TRIM66: variants seen among roughly 807,000 people sequenced by gnomAD.
The protein encoded by TRIM66 is tripartite motif-containing protein 66.
A neutral mutation model predicts 148.2 loss-of-function variants in TRIM66; 99 were observed. The ratio of observed to expected loss-of-function variants is 0.67; its 90% CI spans 0.57 to 0.79. The LOEUF (loss-of-function observed/expected upper bound fraction) is 0.79, where lower values mean the gene tolerates loss of function less well. Among genes scored for constraint, TRIM66 ranks in the 30% least tolerant of loss-of-function variants. TRIM66 has a pLI of 0.00. For missense variants in TRIM66, 1,666 were observed against 1,697.9 expected (o/e 0.98, Z 0.33); for synonymous variants, 616 against 635.9 (o/e 0.97, Z 0.47).
At chr11:8,670,768 A>C (rs1018277548) in intron 6 of TRIM66, among the ~76,000 whole-genome samples, 4 of 152,234 alleles carry the variant, frequency 2.6e-5, no homozygotes, top group African/African-American at 9.6e-5. Context: ...ATCATATATT[A>C]ATGTAAAAAA....
In TRIM66 at chr11:8,623,672, C is replaced by T. The variant is rs530145745; in HGVS notation, c.3019+687G>A. ...ATCAGGAAGTCGCTTCCTGACTTCCCAACTAGCCCTCACCTTCCACAGAAG... is the reference window on the plus strand; with the variant it reads ...ATCAGGAAGTCGCTTCCTGACTTCCTAACTAGCCCTCACCTTCCACAGAAG... On this transcript the variant is annotated intron_variant, in intron 17 of 24. Coordinates refer to ENST00000646038, the MANE Select transcript of TRIM66 (RefSeq NM_001388022.1). 3.3e-5 allele frequency among the ~76,000 whole-genome samples: 5 copies of T among 152,262 alleles called. No homozygotes were observed. In the South Asian group the frequency reaches 1.0e-3, roughly 32 times the overall value.
At chr11:8,644,299 G>A in intron 12 of TRIM66, 1 of 374,190 alleles carries the variant, frequency 2.7e-6, no homozygotes, top group Non-Finnish European at 5.2e-6. Context: ...ATGAATTTCA[G>A]CAGCACCCCT....
In TRIM66 at chr11:8,624,557, A is replaced by C. The variant is rs1214106740; in HGVS notation, c.2827-6T>G. ...GTGGAATCCTCACTTTCCATCTTTC[A>C]AAAGTGAAATGTCGACAAGAATCAA... On this transcript the variant is annotated splice_polypyrimidine_tract_variant and splice_region_variant and intron_variant, in intron 16 of 24. Coordinates refer to ENST00000646038, the MANE Select transcript of TRIM66 (RefSeq NM_001388022.1). The C allele has an allele frequency of 1.3e-6, 2 of 1,521,686 alleles. No individual in the cohort carries two copies. Among genetic ancestry groups the C allele is most frequent in the Non-Finnish European group, 8.8e-7 (1 of 1,134,838 alleles). 94.3% of individuals were successfully genotyped at this position (1,521,686 alleles called of 1,614,324 possible).
In TRIM66 at chr11:8,640,319, G is replaced by T. The variant is rs2133076016; in HGVS notation, c.2056C>A (p.Gln686Lys). The change falls in exon 14 of 25, where the codon CAG becomes AAG. Residue 686 changes from glutamine to lysine, a missense_variant. Physicochemically the swap from Gln to Lys is moderately conservative, Grantham distance 53. This residue lies in a region of TRIM66 where 1,431 missense variants were observed against 1,412.4 expected (regional missense o/e 1.01). Coordinates refer to ENST00000646038, the MANE Select transcript of TRIM66 (RefSeq NM_001388022.1). ...SLQLSQTKSPQHLQQTIVGQI... is the reference protein window; with the variant it reads ...SLQLSQTKSPKHLQQTIVGQI... ...CCCACAATGGTTTGCTGAAGATGCT[G>T]AGGAGATTTGGTCTGACTCAGTTGC... is the stretch of plus-strand genomic sequence containing the variant. 6.4e-7 allele frequency: 1 copy of T among 1,551,712 alleles called. No individual in the cohort carries two copies. The highest frequency in any genetic ancestry group is 1.2e-5 in the South Asian group (1 of 84,056).
rs1399101596 is a variant in TRIM66 at position 8,612,575 on chromosome 11, G to A, written c.*5369C>T. 1 of 152,200 alleles carries A rather than the reference G, an allele frequency of 6.6e-6. No individual in the cohort carries two copies. Among genetic ancestry groups the A allele is most frequent in the Non-Finnish European group, 1.5e-5 (1 of 68,080 alleles). 9.4% of individuals were successfully genotyped at this position (152,200 alleles called of 1,614,324 possible). A position where few individuals can be genotyped will look rare whatever the true frequency, so the allele number is the denominator to read the frequency against. On this transcript the variant is annotated 3_prime_UTR_variant, in exon 25 of 25. Transcript: ENST00000646038. ...CTAGTATATACCTCCTTACCTCCAA[G>A]AAAGCAACCAATAGCTGCCTCCAAC...
At chr11:8,646,004 G>GCTGTCCTCTCAGGGGTGT in intron 11 of TRIM66, 117 bp from the exon 12 acceptor site, 1 of 1,002,716 alleles carries the variant, frequency 1.0e-6, no homozygotes, top group Non-Finnish European at 1.5e-6. Context: ...CTACACCCCT[G>GCTGTCCTCTCAGGGGTGT]AGAGGACAGC....
chr11:8,682,964 C>T (rs968849285), upstream of TRIM66: 72 of 1,142,364 alleles, frequency 6.3e-5, no homozygotes, highest in South Asian at 4.2e-4. Flanking sequence ...CGGCGCGGGC[C>T]CGGGGCGGGG....
rs993679576 is a variant in TRIM66 at position 8,614,611 on chromosome 11, G to C, written c.*3333C>G. On this transcript the variant is annotated 3_prime_UTR_variant, in exon 25 of 25. Coordinates refer to ENST00000646038, the MANE Select transcript of TRIM66 (RefSeq NM_001388022.1). ...CAGAAGGAGCAAAGGCTCAATTCTG[G>C]CGTTCAGAAAGGAAGACTATAAGTG... The C allele has an allele frequency of 6.6e-6, 1 of 152,546 alleles. No homozygotes were observed. The highest frequency in any genetic ancestry group is 2.4e-5 in the African/African-American group (1 of 41,452). The allele number at this position is 152,546 out of a possible 1,614,324, so 9.4% of individuals were successfully genotyped here.
intron 14 of TRIM66, among the ~76,000 whole-genome samples, chr11:8,639,266 T>C (rs2036162150): frequency 6.6e-6 from 1 of 152,206 alleles, no homozygotes; most frequent in South Asian, 2.1e-4. Flanking sequence ...TAAAAATCTG[T>C]AAAGCTGCTT....
chr11:8,625,972 C>T lies in TRIM66; in HGVS notation c.2311-744G>A, dbSNP rs552287166. Among the ~76,000 whole-genome samples the T allele has an allele frequency of 1.3e-3, 204 of 152,326 alleles. 1 individual carries two copies. Among genetic ancestry groups the T allele is most frequent in the African/African-American group, 4.8e-3 (201 of 41,572 alleles). ...GATATTCCAAACCAGAGGCAGAGAA[C>T]ATCAAAGCAGCTAAATCTTAATATC... is the stretch of plus-strand genomic sequence containing the variant. On this transcript the variant is annotated intron_variant, in intron 15 of 24. Coordinates refer to ENST00000646038, the MANE Select transcript of TRIM66 (RefSeq NM_001388022.1).
At chr11:8,660,570 A>C (rs1391425273) in intron 6 of TRIM66, among the ~76,000 whole-genome samples, 1 of 152,240 alleles carries the variant, frequency 6.6e-6, no homozygotes, top group Admixed American at 6.5e-5. Flanking sequence ...GGTAGAGCTA[A>C]GTAGTTGTAA....
intron 21 of TRIM66, 132 bp from the exon 22 acceptor site, chr11:8,620,256 G>A: frequency 1.5e-6 from 2 of 1,311,550 alleles, no homozygotes; most frequent in Non-Finnish European, 2.1e-6. Context: ...GCACAATTCA[G>A]GTTCCCAAGC....
chr11:8,634,949 C>T lies in TRIM66; in HGVS notation c.2310+3705G>A, dbSNP rs531873746. ...CCTGGCACTCACAGGCCAGCACAGG[C>T]TGGGAGTGGGATGGAGGACAAAACA... On this transcript the variant is annotated intron_variant, in intron 15 of 24. Coordinates refer to ENST00000646038, the MANE Select transcript of TRIM66 (RefSeq NM_001388022.1). Among the ~76,000 whole-genome samples the T allele has an allele frequency of 3.9e-5, 6 of 152,312 alleles. No homozygotes were observed. The East Asian group carries it at 1.2e-3, about 29-fold the overall frequency.
intron 15 of TRIM66, among the ~76,000 whole-genome samples, chr11:8,627,519 C>T (rs1047356597): frequency 1.3e-5 from 2 of 152,202 alleles, no homozygotes. Context: ...ATCTGGCATA[C>T]TGTAGATGCT....
intron 15 of TRIM66, among the ~76,000 whole-genome samples, chr11:8,632,376 C>T (rs2035484594): frequency 1.3e-5 from 2 of 150,700 alleles, no homozygotes; most frequent in African/African-American, 4.9e-5. Context: ...ACTGGTTTAA[C>T]AGTAGCAGAT....
chr11:8,624,836 C>T lies in TRIM66; in HGVS notation c.2703G>A (p.Gln901=). 6.4e-7 allele frequency: 1 copy of T among 1,551,748 alleles called. No individual in the cohort carries two copies. The highest frequency in any genetic ancestry group is 1.2e-5 in the South Asian group (1 of 84,048). The change falls in exon 16 of 25, where the codon CAG becomes CAA. Residue 901 remains glutamine, a synonymous_variant. Transcript: ENST00000646038. ...AVPSLATCPL[Q]SIPPVSDMQP... ...GCATGTCAGAAACTGGAGGGATGCT[C>T]TGCAGAGGACAAGTTGCCAGACTCG...
intron 15 of TRIM66, among the ~76,000 whole-genome samples, chr11:8,629,852 T>C (rs2035227630): frequency 6.6e-6 from 1 of 152,112 alleles, no homozygotes; most frequent in Non-Finnish European, 1.5e-5. Context: ...TCTGGTAGTA[T>C]TAACAAGAAT....
chr11:8,652,690 A>T (rs2037463081), intron 6 of TRIM66, among the ~76,000 whole-genome samples: 1 of 152,194 alleles, frequency 6.6e-6, no homozygotes, highest in Admixed American at 6.5e-5. Context: ...AAGGGCAGTC[A>T]ACCTACTAGG....
intron 15 of TRIM66, among the ~76,000 whole-genome samples, chr11:8,632,851 C>T (rs948311087): frequency 1.3e-5 from 2 of 152,122 alleles, no homozygotes; most frequent in Admixed American, 1.3e-4. Context: ...CTTATTAAGG[C>T]TGTCACTATG....
Sources: allele counts gnomAD v4.1 joint callset (sites outside exome capture counted in the v4.1 genomes callset), GRCh38; gene constraint gnomAD v4.1.1; regional missense constraint gnomAD v4.1.1; transcripts MANE v1.5; gene names NCBI Gene and HGNC (gene_info 2026-07-23, HGNC 2026-07-21).